LARGE1: variants seen among roughly 807,000 people sequenced by gnomAD.
The protein encoded by LARGE1 is xylosyl- and glucuronyltransferase LARGE1.
LARGE1 carries 43 observed loss-of-function variants against 87.6 expected under a neutral mutation model. The ratio of observed to expected loss-of-function variants is 0.49; its 90% CI spans 0.38 to 0.63. LARGE1 has a LOEUF of 0.63. LARGE1 is among the 30% of genes least tolerant of loss of function. The probability of loss-of-function intolerance (pLI) is 0.00; values close to 1 mark genes in which losing one functional copy is unlikely to be tolerated. For missense variants in LARGE1, 802 were observed against 1,000.2 expected (o/e 0.80, Z 2.67); for synonymous variants, 434 against 394.6 (o/e 1.10, Z -1.18).
At chr22:33,517,264 C>T (rs5998984) in intron 6 of LARGE1, among the ~76,000 whole-genome samples, 2,533 of 152,236 alleles carry the variant, frequency 0.017, 55 homozygotes, top group African/African-American at 0.048. Flanking sequence ...TTATATCCCT[C>T]AACCCCTCCA....
chr22:33,664,686 G>A (rs1199788875), intron 2 of LARGE1, among the ~76,000 whole-genome samples: 1 of 152,134 alleles, frequency 6.6e-6, no homozygotes, highest in Non-Finnish European at 1.5e-5. Flanking sequence ...CCAACATGGT[G>A]AAACCCCGTC....
At chr22:33,216,457 T>C (rs999137826) in intron 11 of LARGE1, among the ~76,000 whole-genome samples, 4 of 151,834 alleles carry the variant, frequency 2.6e-5, no homozygotes, top group African/African-American at 9.7e-5. Flanking sequence ...TGAAACCCCA[T>C]CTCTACTGCA....
chr22:33,219,983 G>GAAAT (rs1925381138), intron 11 of LARGE1, among the ~76,000 whole-genome samples: 1 of 152,116 alleles, frequency 6.6e-6, no homozygotes, highest in African/African-American at 2.4e-5. Flanking sequence ...GAAAAGAAAA[G>GAAAT]AAAAATACTT....
chr22:33,470,068 T>G (rs1255277430), intron 6 of LARGE1, among the ~76,000 whole-genome samples: 2 of 151,390 alleles, frequency 1.3e-5, no homozygotes, highest in Non-Finnish European at 2.9e-5. Flanking sequence ...TTTTTGTATT[T>G]TTTAGTAGAG....
At chr22:33,862,903 A>G (rs562853074) in intron 1 of LARGE1, among the ~76,000 whole-genome samples, 1 of 152,266 alleles carries the variant, frequency 6.6e-6, no homozygotes, top group Admixed American at 6.5e-5. Context: ...TATCAGAGGT[A>G]GCACGCACCG....
intron 1 of LARGE1, among the ~76,000 whole-genome samples, chr22:33,894,399 A>G (rs5999130): frequency 0.021 from 3,179 of 151,742 alleles, 114 homozygotes; most frequent in African/African-American, 0.073. Context: ...GTGGACCCCT[A>G]CTCTACTCAC....
chr22:33,069,252 T>A, the LARGE1 span, among the ~76,000 whole-genome samples: 21 of 152,198 alleles, frequency 1.4e-4, no homozygotes, highest in East Asian at 3.9e-4. Flanking sequence ...TGAAGCATAG[T>A]GATGAAAGAT....
chr22:33,257,807 C>A (rs1927397206), intron 11 of LARGE1, among the ~76,000 whole-genome samples: 1 of 152,160 alleles, frequency 6.6e-6, no homozygotes, highest in South Asian at 2.1e-4. Flanking sequence ...CTATTTAGGA[C>A]CTACTACATG....
At chr22:33,773,994 G>A (rs928546943) in intron 1 of LARGE1, among the ~76,000 whole-genome samples, 5 of 146,754 alleles carry the variant, frequency 3.4e-5, no homozygotes, top group Admixed American at 1.4e-4. Context: ...GATGTGCTCT[G>A]ATTCTGCCTC....
intron 1 of LARGE1, among the ~76,000 whole-genome samples, chr22:33,909,961 ACTGT>A (rs2065580118): frequency 6.6e-6 from 1 of 152,130 alleles, no homozygotes; most frequent in South Asian, 2.1e-4. Flanking sequence ...TCAGATTTTA[ACTGT>A]CTTGTATCCA....
intron 6 of LARGE1, among the ~76,000 whole-genome samples, chr22:33,447,962 G>A (rs2067755338): frequency 6.6e-6 from 1 of 152,180 alleles, no homozygotes; most frequent in African/African-American, 2.4e-5. Flanking sequence ...CTTATGTCAA[G>A]GGAAAGATGC....
At chr22:33,808,384 TG>T (rs2086381532) in intron 1 of LARGE1, among the ~76,000 whole-genome samples, 1 of 152,190 alleles carries the variant, frequency 6.6e-6, no homozygotes, top group African/African-American at 2.4e-5. Context: ...CAACTCCTTA[TG>T]GGGAGAAAAG....
intron 12 of LARGE1, among the ~76,000 whole-genome samples, chr22:33,303,167 C>T (rs866581766): frequency 2.6e-5 from 4 of 152,238 alleles, no homozygotes; most frequent in Non-Finnish European, 5.9e-5. Context: ...ACTCTTCACA[C>T]AGCCATCTAA....
At chr22:33,270,062 T>A (rs537318928), downstream of LARGE1, among the ~76,000 whole-genome samples, 6 of 151,590 alleles carry the variant, frequency 4.0e-5, no homozygotes, top group Admixed American at 3.9e-4. Context: ...ACCAAATCCA[T>A]TAAATATTCA....
intron 9 of LARGE1, among the ~76,000 whole-genome samples, chr22:33,353,780 C>T (rs1027574381): frequency 2.0e-5 from 3 of 152,136 alleles, no homozygotes; most frequent in Non-Finnish European, 4.4e-5. Context: ...AGGTACAGTG[C>T]TTTAACTGGA....
intron 9 of LARGE1, among the ~76,000 whole-genome samples, chr22:33,340,041 G>A (rs1474206242): frequency 6.7e-6 from 1 of 148,808 alleles, no homozygotes; most frequent in African/African-American, 2.6e-5. Context: ...GGCATTCATT[G>A]TTAGTATTAA....
intron 1 of LARGE1, among the ~76,000 whole-genome samples, chr22:33,843,452 T>C (rs1018897931): frequency 2.9e-4 from 43 of 150,206 alleles, no homozygotes; most frequent in Non-Finnish European, 4.7e-4. Flanking sequence ...AATAAATAAA[T>C]AAATAAATAA....
chr22:33,328,240 C>A (rs1357312681), intron 10 of LARGE1, among the ~76,000 whole-genome samples: 1 of 152,148 alleles, frequency 6.6e-6, no homozygotes, highest in African/African-American at 2.4e-5. Context: ...TTCAGCCCTG[C>A]CACCAACGTG....
chr22:33,696,327 A>G (rs2082249613), intron 2 of LARGE1, among the ~76,000 whole-genome samples: 1 of 146,924 alleles, frequency 6.8e-6, no homozygotes, highest in Non-Finnish European at 1.5e-5. Flanking sequence ...CAGTGGCGCA[A>G]TCTCGGCTCA....
Sources: gnomAD v4.1 joint callset for allele counts (sites outside exome capture counted in the v4.1 genomes callset) on GRCh38, gnomAD v4.1.1 for gene constraint, MANE v1.5 for transcripts, NCBI Gene and HGNC (gene_info 2026-07-23, HGNC 2026-07-21) for gene names.